The following FGF14 variants were observed in gnomAD, a reference collection of about 807,000 sequenced individuals.
FGF14 encodes the protein fibroblast growth factor 14.
FGF14 carries 5 observed loss-of-function variants against 25.5 expected under a neutral mutation model. The ratio of observed to expected loss-of-function variants is 0.20; its 90% confidence interval spans 0.10 to 0.41. FGF14 has a LOEUF of 0.41. Among genes scored for constraint, FGF14 ranks in the 10% least tolerant of loss-of-function variants. The probability of loss-of-function intolerance (pLI) is 1.00; values close to 1 mark genes in which losing one functional copy is unlikely to be tolerated. For synonymous variants in FGF14, 138 were observed against 118.3 expected, an observed-to-expected ratio of 1.17 and a Z score of -1.08; for missense variants, 222 against 320.1, an observed-to-expected ratio of 0.69 and a Z score of 2.34.
intron 1 of FGF14, among the ~76,000 whole-genome samples, chr13:102,363,097 A>T (rs1384093301): frequency 6.6e-6 from 1 of 152,218 alleles, no homozygotes; most frequent in Non-Finnish European, 1.5e-5. Flanking sequence ...AAATACAATA[A>T]AATTCAATGT....
At chr13:101,845,427 T>C (rs2043404449) in intron 3 of FGF14, among the ~76,000 whole-genome samples, 1 of 152,036 alleles carries the variant, frequency 6.6e-6, no homozygotes, top group African/African-American at 2.4e-5. Context: ...AACAGACTTC[T>C]AATATGGCCA....
intron 1 of FGF14, among the ~76,000 whole-genome samples, chr13:102,082,827 G>A (rs1209058927): frequency 5.9e-5 from 9 of 151,270 alleles, no homozygotes; most frequent in African/African-American, 9.7e-5. Context: ...GCGTAGTGGC[G>A]GGCGCCTGTA....
chr13:101,880,781 A>T (rs1243120306), intron 1 of FGF14, among the ~76,000 whole-genome samples: 1 of 152,282 alleles, frequency 6.6e-6, no homozygotes, highest in East Asian at 1.9e-4. Flanking sequence ...ATAACCTACC[A>T]CGGTGCTTGC....
At chr13:102,026,357 A>T (rs950656478) in intron 1 of FGF14, among the ~76,000 whole-genome samples, 2 of 151,598 alleles carry the variant, frequency 1.3e-5, no homozygotes, top group Non-Finnish European at 2.9e-5. Context: ...TTTCATTAAA[A>T]TTTTTTTCAT....
Position 102,140,052 on chromosome 13 carries a change from C to A in FGF14, c.208+261419G>T, listed in dbSNP as rs114573818. Among the ~76,000 whole-genome samples the A allele has an allele frequency of 4.8e-3, 699 of 144,892 alleles. 36 individuals carry two copies. Among genetic ancestry groups the A allele is most frequent in the African/African-American group, 0.017 (646 of 38,492 alleles). ...GGTCAAACTCTTCAAGACCCCCCCC[C>A]CCCCTTACAGCAGTAAGTCATCCGT... On this transcript the variant is annotated intron_variant, in intron 1 of 4. Coordinates refer to the FGF14 transcript ENST00000376131.
chr13:101,893,816 G>A (rs1249716206), intron 1 of FGF14, among the ~76,000 whole-genome samples: 1 of 152,088 alleles, frequency 6.6e-6, no homozygotes, highest in Non-Finnish European at 1.5e-5. Flanking sequence ...AGAACTATAA[G>A]ATAATCAGTT....
chr13:102,161,637 G>GTACCCC (rs1566764908), intron 1 of FGF14, among the ~76,000 whole-genome samples: 114 of 8,688 alleles, frequency 0.013, 11 homozygotes, highest in African/African-American at 0.058. Flanking sequence ...AGAAGAAGAA[G>GTACCCC]AAGAAGAAGA....
At chr13:101,759,374 A>G (rs1201566690) in intron 3 of FGF14, among the ~76,000 whole-genome samples, 2 of 152,114 alleles carry the variant, frequency 1.3e-5, no homozygotes, top group Non-Finnish European at 2.9e-5. Flanking sequence ...CAGGATGGCT[A>G]AAGATCATAA....
At chr13:102,143,682 C>G (rs2046739372) in intron 1 of FGF14, among the ~76,000 whole-genome samples, 2 of 152,182 alleles carry the variant, frequency 1.3e-5, no homozygotes, top group African/African-American at 2.4e-5. Context: ...CATGTTTCTA[C>G]TGACTTGATA....
chr13:101,744,687 T>C (rs2036772260), intron 3 of FGF14, among the ~76,000 whole-genome samples: 2 of 152,124 alleles, frequency 1.3e-5, no homozygotes, highest in Non-Finnish European at 2.9e-5. Context: ...CTAGGGGATG[T>C]AAATATTCCC....
intron 1 of FGF14, among the ~76,000 whole-genome samples, chr13:101,899,837 G>C (rs970740053): frequency 6.6e-6 from 1 of 151,954 alleles, no homozygotes; most frequent in Non-Finnish European, 1.5e-5. Context: ...GTTTGCTTCA[G>C]TAACTGATAA....
intron 1 of FGF14, among the ~76,000 whole-genome samples, chr13:102,161,573 G>GAAGAAGAAGAAGAAGA (rs1555369405): frequency 1.8e-4 from 1 of 5,486 alleles, no homozygotes; most frequent in Admixed American, 3.1e-3. Flanking sequence ...TGTGAAGAAA[G>GAAGAAGAAGAAGAAGA]AAAGAAGAAG....
intron 3 of FGF14, among the ~76,000 whole-genome samples, chr13:101,800,053 T>C (rs575202197): frequency 1.3e-5 from 2 of 152,204 alleles, no homozygotes; most frequent in African/African-American, 2.4e-5. Flanking sequence ...CACGTCTCCA[T>C]AGAGACATAA....
chr13:101,753,987 G>C, intron 3 of FGF14, among the ~76,000 whole-genome samples: 1 of 152,064 alleles, frequency 6.6e-6, no homozygotes, highest in East Asian at 1.9e-4. Context: ...AAACAAAATA[G>C]AAAACAAAGT....
intron 1 of FGF14, among the ~76,000 whole-genome samples, chr13:102,352,242 TACACAC>T (rs56774921): frequency 0.14 from 18,813 of 137,170 alleles, 1,345 homozygotes; most frequent in African/African-American, 0.18. Context: ...TGTACCTTTA[TACACAC>T]ACACACACAC....
chr13:101,894,743 T>C (rs1045106140), intron 1 of FGF14, among the ~76,000 whole-genome samples: 1 of 152,030 alleles, frequency 6.6e-6, no homozygotes, highest in African/African-American at 2.4e-5. Context: ...TACTGTAAGA[T>C]TAAAGAAAAA....
chr13:102,149,055 A>G (rs1409653172), intron 1 of FGF14, among the ~76,000 whole-genome samples: 1 of 152,164 alleles, frequency 6.6e-6, no homozygotes, highest in Non-Finnish European at 1.5e-5. Context: ...AATAGCCCAC[A>G]TTTATCTAGT....
At chr13:102,161,381 G>T (rs1202489087) in intron 1 of FGF14, among the ~76,000 whole-genome samples, 1 of 152,010 alleles carries the variant, frequency 6.6e-6, no homozygotes, top group Non-Finnish European at 1.5e-5. Context: ...GAGTAACTGT[G>T]GCTGTCTTGT....
At chr13:101,814,687 T>C (rs1414766352) in intron 3 of FGF14, among the ~76,000 whole-genome samples, 1 of 152,232 alleles carries the variant, frequency 6.6e-6, no homozygotes, top group Non-Finnish European at 1.5e-5. Context: ...TAGTGTTTCA[T>C]GCTTGGCTTC....
Sources: allele counts gnomAD v4.1 joint callset (sites outside exome capture counted in the v4.1 genomes callset), GRCh38; gene constraint gnomAD v4.1.1; transcripts MANE v1.5; gene names NCBI Gene and HGNC (gene_info 2026-07-23, HGNC 2026-07-21).